The following COL27A1 variants were observed in gnomAD, a reference collection of about 807,000 sequenced individuals.
COL27A1 encodes the protein collagen type XXVII alpha 1 chain.
A neutral mutation model predicts 251.3 loss-of-function variants in COL27A1; 106 were observed. The ratio of observed to expected loss-of-function variants is 0.42; its 90% confidence interval spans 0.36 to 0.50. The LOEUF is 0.50. COL27A1 is among the 20% of genes least tolerant of loss of function. The pLI, the probability that COL27A1 is intolerant of heterozygous loss-of-function variation, is 0.00. For synonymous variants in COL27A1, 1,000 were observed against 986.3 expected (o/e 1.01, Z -0.26); for missense variants, 2,325 against 2,522.8 (o/e 0.92, Z 1.68).
rs1005020491 is a variant in COL27A1 at position 114,265,414 on chromosome 9, C to T, written c.3340-8C>T. On this transcript the variant is annotated splice_region_variant and splice_polypyrimidine_tract_variant and intron_variant, in intron 31 of 60. Transcript: ENST00000356083. ...GGGCCTAAGGTCACCTTTACCTTGT[C>T]TCTGCAGGGCATCCCGGGTCCCTCA... The T allele has an allele frequency of 1.2e-6, 2 of 1,613,480 alleles. No homozygotes were observed. Among genetic ancestry groups the T allele is most frequent in the Admixed American group, 3.3e-5 (2 of 59,998 alleles).
At chr9:114,179,920 C>T (rs1236581681) in intron 4 of COL27A1, among the ~76,000 whole-genome samples, 1 of 149,828 alleles carries the variant, frequency 6.7e-6, no homozygotes, top group Non-Finnish European at 1.5e-5. Context: ...CTCACTGCAG[C>T]CTCCACCTCC....
At position 114,301,699 on chromosome 9, in the gene COL27A1, A is replaced by G; in HGVS notation, c.4827A>G (p.Arg1609=). 1 of 1,611,410 alleles carries G rather than the reference A, an allele frequency of 6.2e-7. No individual in the cohort carries two copies. The highest frequency in any genetic ancestry group is 8.5e-7 in the Non-Finnish European group (1 of 1,178,988). The part of the protein sequence containing the change: ...LQGPRGPPGP[R]GRPGPPGPPG... Reference sequence around the variant, plus strand: ...TCCCCCAGGGTCCTCCCGGCCCCAGAGGGCGGCCCGGCCCCCCGGTAGGTA... The same window carrying G: ...TCCCCCAGGGTCCTCCCGGCCCCAGGGGGCGGCCCGGCCCCCCGGTAGGTA... Residue 1609 remains arginine (R), a synonymous_variant, in exon 55 of 61, where the codon AGA becomes AGG. Transcript: ENST00000356083.
Position 114,205,798 on chromosome 9 carries a change from T to G in COL27A1, c.2209T>G (p.Tyr737Asp). 1 of 1,613,522 alleles carries G rather than the reference T, an allele frequency of 6.2e-7. No individual in the cohort carries two copies. ...GPEGSPGAKG[Y>D]PGRQGLPGPV... ...TGAGGGCAGCCCAGGGGCCAAAGGT[T>G]ACCCTGGCAGGCAGGTGCAGTATAT... The change falls in exon 9 of 61, where the codon TAC (tyrosine) becomes GAC (aspartate). Residue 737 changes from tyrosine to aspartate, a missense_variant. This residue lies in a region of COL27A1 where 1,183 missense variants were observed against 1,144.1 expected (regional missense o/e 1.03). Transcript: ENST00000356083.
At chr9:114,169,566 G>A (rs1381718752) in intron 3 of COL27A1, 103 bp downstream of exon 3, 1 of 934,632 alleles carries the variant, frequency 1.1e-6, no homozygotes, top group Non-Finnish European at 1.6e-6. Flanking sequence ...GAGCAGCTTA[G>A]AGCAGGGAGC....
chr9:114,169,212 A>G lies in COL27A1; in HGVS notation c.1657A>G (p.Lys553Glu). ...KKAGPKSSPR[K>E]PVPLRPGKAA... ...AGCCGGACCCAAGAGCAGCCCCCGG[A>G]AGCCTGTCCCCCTCAGACCTGGGAA... Residue 553 changes from lysine (K) to glutamate (E), a missense_variant, in exon 3 of 61, where the codon AAG becomes GAG. Transcript: ENST00000356083. 6.2e-7 allele frequency: 1 copy of G among 1,614,022 alleles called. No individual in the cohort carries two copies. The highest frequency in any genetic ancestry group is 8.5e-7 in the Non-Finnish European group (1 of 1,180,004).
intron 3 of COL27A1, among the ~76,000 whole-genome samples, chr9:114,175,733 C>G (rs1827386025): frequency 6.6e-6 from 1 of 152,208 alleles, no homozygotes; most frequent in African/African-American, 2.4e-5. Flanking sequence ...GTCCAGGCCT[C>G]TGCAGCTGCA....
intron 3 of COL27A1, among the ~76,000 whole-genome samples, chr9:114,169,780 C>T (rs1261013938): frequency 6.6e-6 from 1 of 152,218 alleles, no homozygotes; most frequent in Non-Finnish European, 1.5e-5. Flanking sequence ...AAAGCTCGAA[C>T]AGCTTAAGGA....
rs751125814 is a variant in COL27A1 at position 114,168,408 on chromosome 9, G to C, written c.853G>C (p.Gly285Arg). Residue 285 changes from glycine to arginine, a missense_variant, in exon 3 of 61, where the codon GGC becomes CGC. Gly to Arg is a moderately radical substitution (Grantham distance 125, BLOSUM62 -2). This residue lies in a region of COL27A1 where 1,183 missense variants were observed against 1,144.1 expected (regional missense o/e 1.03). Transcript: ENST00000356083. ...ATPALGSLPA[G>R]RGPRGTVAPA... ...ACCAGCCCTGGGGTCACTGCCAGCA[G>C]GCAGGGGACCCAGGGGGACTGTGGC... 4.3e-6 allele frequency: 7 copies of C among 1,613,448 alleles called. No homozygotes were observed. In the East Asian group the frequency reaches 1.6e-4, roughly 36 times the overall value.
chr9:114,300,473 G>A (rs1828539698), intron 50 of COL27A1, 152 bp from the exon 51 acceptor site: 4 of 585,754 alleles, frequency 6.8e-6, no homozygotes, highest in Non-Finnish European at 1.2e-5. Flanking sequence ...CTGAATAATT[G>A]TAGGTGTTTC....
intron 12 of COL27A1, among the ~76,000 whole-genome samples, chr9:114,211,415 C>T (rs1450492287): frequency 2.0e-5 from 3 of 152,246 alleles, no homozygotes; most frequent in Non-Finnish European, 4.4e-5. Flanking sequence ...TCCACATCGT[C>T]TTGGTGTCAT....
chr9:114,241,411 G>A (rs1056557378), intron 21 of COL27A1, among the ~76,000 whole-genome samples: 2 of 152,252 alleles, frequency 1.3e-5, no homozygotes, highest in Admixed American at 1.3e-4. Context: ...TGCTTTCCTG[G>A]AAGCTGGGGA....
intron 57 of COL27A1, 48 bp downstream of exon 57, chr9:114,304,721 G>A (rs545859301): frequency 1.1e-5 from 17 of 1,528,976 alleles, no homozygotes; most frequent in East Asian, 4.5e-5. Context: ...TGGGAGAAAC[G>A]CAAATAGATA....
At chr9:114,279,611 G>A (rs901669147) in intron 37 of COL27A1, among the ~76,000 whole-genome samples, 5 of 152,098 alleles carry the variant, frequency 3.3e-5, no homozygotes, top group African/African-American at 9.7e-5. Flanking sequence ...AGCCAAGGTG[G>A]GAGGATTGTT....
Position 114,155,958 on chromosome 9 carries a change from C to A in COL27A1, c.8C>A (p.Ala3Glu), listed in dbSNP as rs747984162. 7.8e-7 allele frequency: 1 copy of A among 1,278,328 alleles called. No individual in the cohort carries two copies. Among genetic ancestry groups the A allele is most frequent in the Non-Finnish European group, 9.9e-7 (1 of 1,009,286 alleles). 79.2% of individuals were successfully genotyped at this position (1,278,328 alleles called of 1,614,324 possible). Residue 3 changes from alanine (A) to glutamate (E), a missense_variant, in exon 1 of 61, where the codon GCG becomes GAG. Physicochemically the swap from Ala to Glu is moderately radical, Grantham distance 107. Coordinates refer to ENST00000356083, the MANE Select transcript of COL27A1 (RefSeq NM_032888.4). The surrounding 1 kb of genome is among the most constrained non-coding windows in gnomAD (Gnocchi z 5.5). ...ATGAAGTAGGGGCCTGCCATGGGAG[C>A]GGGATCGGCGCGGGGGGCCCGAGGC... MG[A>E]GSARGARGTA...
Position 114,266,485 on chromosome 9 carries a change from T to C in COL27A1, c.3394-80T>C, listed in dbSNP as rs1588825620. ...AGAGTCCCCAGTTCTGGGGGTCAGC[T>C]CCCTCATTCACCCCTCCAGATCCCA... On this transcript the variant is annotated intron_variant, in intron 32 of 60. Coordinates refer to ENST00000356083, the MANE Select transcript of COL27A1 (RefSeq NM_032888.4). 5 of 1,223,710 alleles carry C rather than the reference T, an allele frequency of 4.1e-6. No homozygotes were observed. The East Asian group carries it at 1.2e-4, about 29-fold the overall frequency. 75.8% of individuals were successfully genotyped at this position (1,223,710 alleles called of 1,614,324 possible).
intron 5 of COL27A1, among the ~76,000 whole-genome samples, chr9:114,188,980 T>C (rs1192945562): frequency 2.0e-5 from 3 of 152,220 alleles, no homozygotes; most frequent in Non-Finnish European, 4.4e-5. Flanking sequence ...AAATATTTTC[T>C]AGTTTGTTGT....
Position 114,240,477 on chromosome 9 carries a change from TG to T in COL27A1, c.2829del (p.Glu945ArgfsTer33). On this transcript the variant is annotated frameshift_variant, in exon 21 of 61. Transcript: ENST00000356083. LOFTEE classifies it high-confidence loss of function. ...ARGLPGPRGQ[L>X]GPEGDEGPMG... ...GGCCTGCCGGGACCCCGTGGGCAGC[TG>T]GGGCCCGAGGTGAGACTGTCTGGCC... The T allele has an allele frequency of 1.2e-6, 2 of 1,611,250 alleles. No individual in the cohort carries two copies.
At chr9:114,210,290 C>T (rs2567726) in intron 11 of COL27A1, among the ~76,000 whole-genome samples, 8,442 of 152,266 alleles carry the variant, frequency 0.055, 796 homozygotes, top group African/African-American at 0.19. Flanking sequence ...TGACAGAGAC[C>T]GTATGGCCCA....
At position 114,230,030 on chromosome 9, in the gene COL27A1, G is replaced by A. The variant is rs151337211; in HGVS notation, c.2467-1049G>A. ...TGCTAAGTATTTACATGTGAAATCA[G>A]TTTCTCCTGGAAACAAGGCTGGCAG... is the stretch of plus-strand genomic sequence containing the variant. On this transcript the variant is annotated intron_variant, in intron 14 of 60. Transcript: ENST00000356083. Among the ~76,000 whole-genome samples, 1,014 of 152,308 alleles carry A rather than the reference G, an allele frequency of 6.7e-3. 9 individuals carry two copies. Among genetic ancestry groups the A allele is most frequent in the African/African-American group, 0.023 (954 of 41,576 alleles).
Sources: allele counts gnomAD v4.1 joint callset (sites outside exome capture counted in the v4.1 genomes callset), GRCh38; gene constraint gnomAD v4.1.1; regional missense constraint gnomAD v4.1.1; non-coding constraint Gnocchi (gnomAD v3.1); transcripts MANE v1.5; gene names NCBI Gene and HGNC (gene_info 2026-07-23, HGNC 2026-07-21).